Variants in TAFA1 observed in about 807,000 individuals in gnomAD.
TAFA1 encodes TAFA chemokine like family member 1.
Under a neutral mutation model 18.5 loss-of-function variants are expected in TAFA1, and 4 were observed. That is an observed-to-expected ratio of 0.22 (90% CI 0.11 to 0.49). The LOEUF (loss-of-function observed/expected upper bound fraction) is 0.49, where lower values mean the gene tolerates loss of function less well. TAFA1 is among the 20% of genes least tolerant of loss of function. TAFA1 has a pLI of 0.98. For synonymous variants in TAFA1, 56 were observed against 55.2 expected, an observed-to-expected ratio of 1.01 and a Z score of -0.06; for missense variants, 147 against 169.0, an observed-to-expected ratio of 0.87 and a Z score of 0.72.
chr3:68,210,879 T>C (rs375201468), intron 2 of TAFA1, among the ~76,000 whole-genome samples: 1 of 152,034 alleles, frequency 6.6e-6, no homozygotes, highest in South Asian at 2.1e-4. Flanking sequence ...GTGGTCATTG[T>C]CTCATGATGT....
intron 2 of TAFA1, among the ~76,000 whole-genome samples, chr3:68,131,957 GC>G (rs1289714294): frequency 6.6e-6 from 1 of 151,828 alleles, no homozygotes; most frequent in Non-Finnish European, 1.5e-5. Flanking sequence ...GTATACACGT[GC>G]CATGGTGGTT....
At chr3:68,445,343 T>G (rs2071456613) in intron 3 of TAFA1, among the ~76,000 whole-genome samples, 1 of 152,164 alleles carries the variant, frequency 6.6e-6, no homozygotes. Context: ...TCCAAATTTG[T>G]GTAGTGGTAG....
chr3:68,472,625 G>C (rs1159942500), intron 3 of TAFA1, among the ~76,000 whole-genome samples: 1 of 151,936 alleles, frequency 6.6e-6, no homozygotes, highest in African/African-American at 2.4e-5. Flanking sequence ...TACTGGTTGT[G>C]ATATTGTAGT....
rs1384558216 is a variant in TAFA1 at position 68,401,199 on chromosome 3, G to A, written c.119-16081G>A. Among the ~76,000 whole-genome samples, 6 of 152,136 alleles carry A rather than the reference G, an allele frequency of 3.9e-5. No homozygotes were observed. In the East Asian group the frequency reaches 1.2e-3, roughly 29 times the overall value. On this transcript the variant is annotated intron_variant, in intron 2 of 4. Transcript: ENST00000478136. ...TGAGTCCAGGATGATAAAGGGGGAA[G>A]TGTCACAGACCCAATCAGGAGGTTA...
Position 68,313,086 on chromosome 3 carries a change from G to T in TAFA1, c.119-104194G>T, listed in dbSNP as rs527919040. Among the ~76,000 whole-genome samples, 10 of 152,216 alleles carry T rather than the reference G, an allele frequency of 6.6e-5. No individual in the cohort carries two copies. In the East Asian group the frequency reaches 1.7e-3, roughly 26 times the overall value. On this transcript the variant is annotated intron_variant, in intron 2 of 4. Transcript: ENST00000478136. ...CATGAGAAAAGAATGGGAAAGACTT[G>T]ATCCCATGAATAATCATTTCCCACA...
At chr3:68,428,031 T>C (rs759858166) in intron 3 of TAFA1, among the ~76,000 whole-genome samples, 35 of 151,970 alleles carry the variant, frequency 2.3e-4, no homozygotes, top group Non-Finnish European at 1.3e-4. Context: ...GGTATTTCTT[T>C]ATAGGACTAT....
chr3:68,052,948 A>C (rs527713904), intron 2 of TAFA1, among the ~76,000 whole-genome samples: 5 of 152,178 alleles, frequency 3.3e-5, no homozygotes, highest in African/African-American at 1.2e-4. Flanking sequence ...ATTCATTTTC[A>C]CTGCCACAAG....
intron 2 of TAFA1, among the ~76,000 whole-genome samples, chr3:68,379,759 T>C (rs2069896052): frequency 6.6e-6 from 1 of 151,850 alleles, no homozygotes; most frequent in South Asian, 2.1e-4. Context: ...AAGTTCTTTT[T>C]TTTTTTAAAT....
In TAFA1 at chr3:68,534,885, AC is replaced by A. The variant is rs552151532; in HGVS notation, c.260-3869del. Among the ~76,000 whole-genome samples the A allele has an allele frequency of 1.4e-3, 207 of 152,036 alleles. 2 individuals are homozygous for A. The highest frequency in any genetic ancestry group is 4.8e-3 in the African/African-American group (199 of 41,470). Reference sequence around the variant, plus strand: ...GGAACAGGGCTTAGAAGGAGGCAACACCAAAAAAAAAATGCAAAAAGCTGAC... The same window carrying A: ...GGAACAGGGCTTAGAAGGAGGCAACACAAAAAAAAAATGCAAAAAGCTGAC... On this transcript the variant is annotated intron_variant, in intron 3 of 4. Coordinates refer to ENST00000478136, the MANE Select transcript of TAFA1 (RefSeq NM_213609.4).
intron 2 of TAFA1, among the ~76,000 whole-genome samples, chr3:68,312,988 G>A (rs1003643664): frequency 1.3e-5 from 2 of 152,092 alleles, no homozygotes; most frequent in African/African-American, 4.8e-5. Context: ...GGTGGTGGCA[G>A]GCAAAAAAGA....
intron 2 of TAFA1, among the ~76,000 whole-genome samples, chr3:68,391,699 C>T (rs930078555): frequency 3.3e-5 from 5 of 152,088 alleles, no homozygotes; most frequent in African/African-American, 1.2e-4. Context: ...GAGTGGGGTC[C>T]AATATTCAAC....
chr3:68,327,980 G>A (rs978920379), intron 2 of TAFA1, among the ~76,000 whole-genome samples: 1 of 152,166 alleles, frequency 6.6e-6, no homozygotes, highest in Non-Finnish European at 1.5e-5. Flanking sequence ...TGGGTATTGA[G>A]ACTACTAATT....
intron 3 of TAFA1, among the ~76,000 whole-genome samples, chr3:68,501,333 G>A (rs2072655586): frequency 6.6e-6 from 1 of 152,012 alleles, no homozygotes; most frequent in Non-Finnish European, 1.5e-5. Flanking sequence ...AGTGAATGCA[G>A]GTCATAACCG....
At chr3:68,419,168 C>T (rs984191947) in intron 3 of TAFA1, among the ~76,000 whole-genome samples, 1 of 152,140 alleles carries the variant, frequency 6.6e-6, no homozygotes, top group Non-Finnish European at 1.5e-5. Context: ...TTATATGTCA[C>T]CTCAGAAAGT....
At chr3:68,373,018 C>G (rs2069741811) in intron 2 of TAFA1, among the ~76,000 whole-genome samples, 1 of 152,166 alleles carries the variant, frequency 6.6e-6, no homozygotes, top group Non-Finnish European at 1.5e-5. Context: ...GAAATTTGAT[C>G]ATCCATTACA....
At chr3:68,346,218 A>G (rs1486629451) in intron 2 of TAFA1, among the ~76,000 whole-genome samples, 1 of 152,118 alleles carries the variant, frequency 6.6e-6, no homozygotes, top group Non-Finnish European at 1.5e-5. Context: ...GTGCAGTGGC[A>G]TGATCATGGC....
At chr3:68,404,062 G>T (rs1444199818) in intron 2 of TAFA1, among the ~76,000 whole-genome samples, 1 of 152,144 alleles carries the variant, frequency 6.6e-6, no homozygotes, top group Non-Finnish European at 1.5e-5. Context: ...TGCTTTCCCT[G>T]TGTTTACTCA....
intron 2 of TAFA1, among the ~76,000 whole-genome samples, chr3:68,362,228 A>G (rs1269134163): frequency 1.3e-5 from 2 of 152,150 alleles, no homozygotes; most frequent in Non-Finnish European, 2.9e-5. Context: ...GATTTGTGCT[A>G]CAGGCCTAGA....
At position 68,434,797 on chromosome 3, in the gene TAFA1, C is replaced by T. The variant is rs186153706; in HGVS notation, c.259+17377C>T. ...ATGTGTCTAAAACTAGTCATTTTTG[C>T]GGACTTCATTTTGCATTGTCTGTGG... On this transcript the variant is annotated intron_variant, in intron 3 of 4. Coordinates refer to ENST00000478136, the MANE Select transcript of TAFA1 (RefSeq NM_213609.4). Among the ~76,000 whole-genome samples, 267 of 152,114 alleles carry T rather than the reference C, an allele frequency of 1.8e-3. 1 individual carries two copies. The highest frequency in any genetic ancestry group is 6.8e-3 in the East Asian group (35 of 5,170).
Sources: allele counts gnomAD v4.1 joint callset (sites outside exome capture counted in the v4.1 genomes callset), GRCh38; gene constraint gnomAD v4.1.1; transcripts MANE v1.5; gene names NCBI Gene and HGNC (gene_info 2026-07-23, HGNC 2026-07-21).